The following SAMD5 variants were observed in gnomAD, a reference collection of about 807,000 sequenced individuals.
SAMD5 encodes the protein sterile alpha motif domain-containing protein 5.
Under a neutral mutation model 11.3 loss-of-function variants are expected in SAMD5, and 13 were observed. That is an observed-to-expected ratio of 1.15 (90% CI 0.75 to 1.83). The LOEUF is 1.83. Among genes scored for constraint, SAMD5 ranks in the 40% most tolerant of loss-of-function variants. SAMD5 has a pLI of 0.00. For synonymous variants in SAMD5, 129 were observed against 111.3 expected, an observed-to-expected ratio of 1.16 and a Z score of -1.00; for missense variants, 255 against 239.1, an observed-to-expected ratio of 1.07 and a Z score of -0.44.
chr6:147,937,128 C>T, the SAMD5 span, among the ~76,000 whole-genome samples: 35,051 of 152,008 alleles, frequency 0.23, 4,625 homozygotes, highest in African/African-American at 0.35. Flanking sequence ...TACCACCAAC[C>T]CACCTTTGTC....
the SAMD5 span, among the ~76,000 whole-genome samples, chr6:147,769,348 T>C: frequency 6.6e-6 from 1 of 152,206 alleles, no homozygotes; most frequent in East Asian, 1.9e-4. Context: ...CATCTTTTCA[T>C]TTTCATTTTC....
At chr6:147,683,478 A>C (rs897200539) in intron 1 of SAMD5, among the ~76,000 whole-genome samples, 2 of 152,256 alleles carry the variant, frequency 1.3e-5, no homozygotes, top group African/African-American at 2.4e-5. Context: ...CAAATATATT[A>C]CATGGGTATT....
chr6:147,750,334 T>C, the SAMD5 span, among the ~76,000 whole-genome samples: 1 of 152,222 alleles, frequency 6.6e-6, no homozygotes, highest in East Asian at 1.9e-4. Flanking sequence ...GAAAATAATG[T>C]ATTTCACTTA....
At chr6:147,806,656 C>T in the SAMD5 span, among the ~76,000 whole-genome samples, 3 of 152,106 alleles carry the variant, frequency 2.0e-5, no homozygotes, top group Non-Finnish European at 2.9e-5. Context: ...CCATTTCTTG[C>T]TCTTAATGTT....
At chr6:147,542,514 C>G (rs969660356) in intron 1 of SAMD5, among the ~76,000 whole-genome samples, 2 of 152,120 alleles carry the variant, frequency 1.3e-5, no homozygotes, top group Non-Finnish European at 2.9e-5. Context: ...TTAAGGATAA[C>G]TTGGTGGGTG....
chr6:147,638,253 A>G (rs1289820204), intron 1 of SAMD5, among the ~76,000 whole-genome samples: 1 of 152,200 alleles, frequency 6.6e-6, no homozygotes, highest in Non-Finnish European at 1.5e-5. Context: ...GTGATGGCAC[A>G]CGTAACTTAC....
the SAMD5 span, among the ~76,000 whole-genome samples, chr6:147,793,737 T>C: frequency 3.3e-5 from 5 of 152,182 alleles, no homozygotes; most frequent in Admixed American, 6.6e-5. Flanking sequence ...AAGTTGACTA[T>C]ATTTCTGTGG....
chr6:147,886,283 A>T, the SAMD5 span, among the ~76,000 whole-genome samples: 2 of 152,214 alleles, frequency 1.3e-5, no homozygotes, highest in African/African-American at 4.8e-5. Context: ...CAAAACAATG[A>T]AACAAAAAAG....
At chr6:147,870,466 GTGTGTGTGTGTGTGTGTATA>G in the SAMD5 span, among the ~76,000 whole-genome samples, 6 of 121,090 alleles carry the variant, frequency 5.0e-5, no homozygotes, top group Admixed American at 8.7e-5. Flanking sequence ...GTGTGTGTGT[GTGTGTGTGTGTGTGTGTATA>G]TATATATGTA....
intron 1 of SAMD5, among the ~76,000 whole-genome samples, chr6:147,653,810 G>A (rs1412410093): frequency 2.6e-5 from 4 of 151,940 alleles, no homozygotes; most frequent in Non-Finnish European, 5.9e-5. Context: ...GTTCTTTCCT[G>A]TGGGCCTGTT....
chr6:147,524,132 TTCTC>T (rs1002625681), intron 1 of SAMD5, among the ~76,000 whole-genome samples: 1 of 152,146 alleles, frequency 6.6e-6, no homozygotes, highest in African/African-American at 2.4e-5. Flanking sequence ...GCTAGTGTAT[TTCTC>T]TCTCTCTTAA....
chr6:147,547,375 G>C (rs950327396), intron 1 of SAMD5, among the ~76,000 whole-genome samples: 2 of 152,142 alleles, frequency 1.3e-5, no homozygotes, highest in Non-Finnish European at 2.9e-5. Context: ...TGGAGGTTCT[G>C]GGGGCAGAAT....
chr6:147,896,794 G>T, the SAMD5 span, among the ~76,000 whole-genome samples: 3 of 140,132 alleles, frequency 2.1e-5, no homozygotes, highest in East Asian at 6.2e-4. Context: ...AAAGTGTGCA[G>T]TTTGGGGATT....
At chr6:147,909,901 C>T in the SAMD5 span, among the ~76,000 whole-genome samples, 1 of 152,002 alleles carries the variant, frequency 6.6e-6, no homozygotes, top group Non-Finnish European at 1.5e-5. Context: ...ATGTTACACC[C>T]CAGGAACTTT....
At chr6:147,841,784 G>A in the SAMD5 span, among the ~76,000 whole-genome samples, 5 of 152,160 alleles carry the variant, frequency 3.3e-5, no homozygotes, top group Non-Finnish European at 7.4e-5. Flanking sequence ...AGGGAGAGGT[G>A]ATTTGGGCAG....
At chr6:147,520,260 G>A (rs1248374151) in intron 1 of SAMD5, among the ~76,000 whole-genome samples, 1 of 152,004 alleles carries the variant, frequency 6.6e-6, no homozygotes, top group East Asian at 1.9e-4. Context: ...TGGGACTACA[G>A]GCACTGCCAC....
rs886616283 is a variant in SAMD5, at chr6:147,657,127, G to GA, written c.163-80184dup. 7.2e-5 allele frequency among the ~76,000 whole-genome samples: 11 copies of GA among 152,148 alleles called. No individual in the cohort carries two copies. The East Asian group carries it at 2.1e-3, about 29-fold the overall frequency. ...TGATTTCCAGGATATATACTGAAGT[G>GA]AAAAAAGCTATGTGCAAGAGAGTAT... is the stretch of plus-strand genomic sequence containing the variant. On this transcript the variant is annotated intron_variant, in intron 1 of 1. Transcript: ENST00000566741.
the SAMD5 span, among the ~76,000 whole-genome samples, chr6:147,952,192 C>T: frequency 1.8e-4 from 28 of 152,210 alleles, no homozygotes; most frequent in African/African-American, 6.7e-4. Flanking sequence ...CCCAAAATTG[C>T]CATCTTTATG....
intron 1 of SAMD5, chr6:147,733,852 T>C: frequency 2.3e-6 from 1 of 432,882 alleles, no homozygotes; most frequent in Non-Finnish European, 3.1e-6. Flanking sequence ...ACACTTGGCC[T>C]GTCCCTGCAG....
Sources: allele counts gnomAD v4.1 joint callset (sites outside exome capture counted in the v4.1 genomes callset), GRCh38; gene constraint gnomAD v4.1.1; transcripts MANE v1.5; gene names NCBI Gene and HGNC (gene_info 2026-07-23, HGNC 2026-07-21).